RRAD: variants seen among roughly 807,000 people sequenced by gnomAD.
RRAD encodes RRAD, Ras related glycolysis inhibitor and calcium channel regulator, also known as GTP-binding protein RAD.
RRAD carries 15 observed loss-of-function variants against 24.7 expected under a neutral mutation model. That is an observed-to-expected ratio of 0.61 (90% CI 0.41 to 0.93). The LOEUF is 0.93. Among genes scored for constraint, RRAD ranks in the 40% least tolerant of loss-of-function variants. The probability of loss-of-function intolerance (pLI) is 0.00; values close to 1 mark genes in which losing one functional copy is unlikely to be tolerated. For missense variants in RRAD, 438 were observed against 452.2 expected (o/e 0.97, Z 0.29); for synonymous variants, 180 against 189.8 (o/e 0.95, Z 0.43).
In RRAD at chr16:66,923,638, C is replaced by T. The variant is rs1490094473; in HGVS notation, c.527G>A (p.Ser176Asn). The T allele has an allele frequency of 1.9e-6, 3 of 1,614,022 alleles. No individual in the cohort carries two copies. Among genetic ancestry groups the T allele is most frequent in the African/African-American group, 1.3e-5 (1 of 74,900 alleles). Residue 176 changes from serine (S) to asparagine (N), a missense_variant, in exon 4 of 5, where the codon AGC (serine) becomes AAC (asparagine). Transcript: ENST00000299759. The surrounding 1 kb of genome is among the most constrained non-coding windows in gnomAD (Gnocchi z 4.9). ...VIVYSVTDKGSFEKASELRVQ... is the reference protein window; with the variant it reads ...VIVYSVTDKGNFEKASELRVQ... ...CCGCAGTTCTGAGGCCTTCTCGAAGCTGCCCTTGTCCGTCACTGAGTACAC... is the reference window on the plus strand; with the variant it reads ...CCGCAGTTCTGAGGCCTTCTCGAAGTTGCCCTTGTCCGTCACTGAGTACAC...
At chr16:66,922,542 G>C (rs1962930780) in intron 4 of RRAD, among the ~76,000 whole-genome samples, 189 bp from the exon 5 acceptor site, 1 of 152,174 alleles carries the variant, frequency 6.6e-6, no homozygotes, top group African/African-American at 2.4e-5. Flanking sequence ...CAGAGTGCCT[G>C]CATTTAAGGA....
At position 66,923,743 on chromosome 16, in the gene RRAD, C is replaced by G; in HGVS notation, c.445-23G>C. On this transcript the variant is annotated intron_variant, in intron 3 of 4. Transcript: ENST00000299759. This position sits in a 1 kb window ranked among gnomAD's most constrained non-coding sequence, Gnocchi z 4.9. ...GTCCTGGAGAACACACAACACACAT[C>G]TGCCCAACAGTCCTCATGCCCCCGA... 1 of 1,613,868 alleles carries G rather than the reference C, an allele frequency of 6.2e-7. No individual in the cohort carries two copies. The highest frequency in any genetic ancestry group is 1.1e-5 in the South Asian group (1 of 91,078).
In RRAD at chr16:66,925,214, A is replaced by G; in HGVS notation, c.-15-20T>C. 1.6e-6 allele frequency: 2 copies of G among 1,241,888 alleles called. No homozygotes were observed. Among genetic ancestry groups the G allele is most frequent in the Non-Finnish European group, 2.0e-6 (2 of 992,796 alleles). The allele number at this position is 1,241,888 out of a possible 1,614,324, so 76.9% of individuals were successfully genotyped here. A position where few individuals can be genotyped will look rare whatever the true frequency, so the allele number is the denominator to read the frequency against. ...GACCGTCTAGGGGATCAGGAACCCG[A>G]GTGGCCGTGTAAGCCGCGAGGGAGG... On this transcript the variant is annotated intron_variant, in intron 1 of 4. Transcript: ENST00000299759. This position sits in a 1 kb window ranked among gnomAD's most constrained non-coding sequence, Gnocchi z 5.2.
chr16:66,922,033 A>G lies in RRAD; in HGVS notation c.*43T>C, dbSNP rs890154786. On this transcript the variant is annotated 3_prime_UTR_variant, in exon 5 of 5. Coordinates refer to ENST00000299759, the MANE Select transcript of RRAD (RefSeq NM_004165.3). ...GGGCAGTTGGCTGGGCCAGCCCACC[A>G]ACCCTTCCGTTCGTCTCCCACCATA... 5.1e-6 allele frequency: 8 copies of G among 1,564,784 alleles called. No homozygotes were observed. The highest frequency in any genetic ancestry group is 5.2e-6 in the Non-Finnish European group (6 of 1,145,722).
In RRAD at chr16:66,923,271, G is replaced by C. The variant is rs1224955893; in HGVS notation, c.649+245C>G. ...CCAACCAGCCAGGCCAGGACCAAGAGGGGCAGGAGAGGAGGGCCCTGCGGT... is the reference window on the plus strand; with the variant it reads ...CCAACCAGCCAGGCCAGGACCAAGACGGGCAGGAGAGGAGGGCCCTGCGGT... On this transcript the variant is annotated intron_variant, in intron 4 of 4. Transcript: ENST00000299759. The surrounding 1 kb of genome is among the most constrained non-coding windows in gnomAD (Gnocchi z 4.9). 3.3e-5 allele frequency among the ~76,000 whole-genome samples: 5 copies of C among 152,150 alleles called. No individual in the cohort carries two copies. Among genetic ancestry groups the C allele is most frequent in the Non-Finnish European group, 5.9e-5 (4 of 68,024 alleles).
In RRAD at chr16:66,923,818, C is replaced by A; in HGVS notation, c.444+28G>T. ...CTAACCCAACTCACTCCTCCCTCCCCTGCCCTGGGTCTCTGCTTGCACCCT... is the reference window on the plus strand; with the variant it reads ...CTAACCCAACTCACTCCTCCCTCCCATGCCCTGGGTCTCTGCTTGCACCCT... On this transcript the variant is annotated intron_variant, in intron 3 of 4. Coordinates refer to ENST00000299759, the MANE Select transcript of RRAD (RefSeq NM_004165.3). The surrounding 1 kb of genome is among the most constrained non-coding windows in gnomAD (Gnocchi z 4.9). The A allele has an allele frequency of 6.2e-7, 1 of 1,612,092 alleles. No homozygotes were observed. Among genetic ancestry groups the A allele is most frequent in the Non-Finnish European group, 8.5e-7 (1 of 1,178,144 alleles).
Position 66,924,097 on chromosome 16 carries a change from C to T in RRAD, c.371-178G>A, listed in dbSNP as rs1488787158. Among the ~76,000 whole-genome samples, 1 of 152,162 alleles carries T rather than the reference C, an allele frequency of 6.6e-6. No individual in the cohort carries two copies. Among genetic ancestry groups the T allele is most frequent in the Non-Finnish European group, 1.5e-5 (1 of 68,024 alleles). The stretch of plus-strand genomic sequence containing the variant: ...AGGCAGGGAAGTGGGGGCTGGAGGG[C>T]ATGGTGTGCCTGACCTCCACCCACA... On this transcript the variant is annotated intron_variant, in intron 2 of 4. Coordinates refer to ENST00000299759, the MANE Select transcript of RRAD (RefSeq NM_004165.3). The surrounding 1 kb of genome is among the most constrained non-coding windows in gnomAD (Gnocchi z 4.2).
rs1424180660 is a variant in RRAD, at chr16:66,923,290, C to T, written c.649+226G>A. On this transcript the variant is annotated intron_variant, in intron 4 of 4. Transcript: ENST00000299759. The surrounding 1 kb of genome is among the most constrained non-coding windows in gnomAD (Gnocchi z 4.9). ...CCAAGAGGGGCAGGAGAGGAGGGCC[C>T]TGCGGTGCCCAGCTCCCCTATCAGA... Among the ~76,000 whole-genome samples, 2 of 152,204 alleles carry T rather than the reference C, an allele frequency of 1.3e-5. No homozygotes were observed. The highest frequency in any genetic ancestry group is 4.8e-5 in the African/African-American group (2 of 41,450).
In RRAD at chr16:66,924,708, C is replaced by T. The variant is rs185330691; in HGVS notation, c.370+102G>A. 508 of 787,438 alleles carry T rather than the reference C, an allele frequency of 6.5e-4. No individual in the cohort carries two copies. Among genetic ancestry groups the T allele is most frequent in the Non-Finnish European group, 8.0e-4 (463 of 581,050 alleles). 48.8% of individuals were successfully genotyped at this position (787,438 alleles called of 1,614,324 possible). A position where few individuals can be genotyped will look rare whatever the true frequency, so the allele number is the denominator to read the frequency against. On this transcript the variant is annotated intron_variant, in intron 2 of 4. Transcript: ENST00000299759. This position sits in a 1 kb window ranked among gnomAD's most constrained non-coding sequence, Gnocchi z 4.2. ...ATAATAATAATAATAATAACAACAA[C>T]AACAACTATAATTCCACGGTATTTG...
At position 66,925,098 on chromosome 16, in the gene RRAD, G is replaced by A; in HGVS notation, c.82C>T (p.Pro28Ser). 1 of 1,239,686 alleles carries A rather than the reference G, an allele frequency of 8.1e-7. No individual in the cohort carries two copies. The highest frequency in any genetic ancestry group is 1.0e-6 in the Non-Finnish European group (1 of 993,356). 76.8% of individuals were successfully genotyped at this position (1,239,686 alleles called of 1,614,324 possible). A position where few individuals can be genotyped will look rare whatever the true frequency, so the allele number is the denominator to read the frequency against. ...QERERRRGSTPWGPAPPLHRR... is the reference protein window; with the variant it reads ...QERERRRGSTSWGPAPPLHRR... ...TGCAGCGGCGGGGCGGGGCCCCAGG[G>A]TGTGCTGCCCCGACGGCGCTCGCGC... The change falls in exon 2 of 5, where the codon CCC becomes TCC. Residue 28 changes from proline (P) to serine (S), a missense_variant. Pro to Ser is a moderately conservative substitution (Grantham distance 74). Transcript: ENST00000299759. This position sits in a 1 kb window ranked among gnomAD's most constrained non-coding sequence, Gnocchi z 5.2.
In RRAD at chr16:66,921,845, C is replaced by G; in HGVS notation, c.*231G>C. On this transcript the variant is annotated 3_prime_UTR_variant, in exon 5 of 5. Transcript: ENST00000299759. Reference sequence around the variant, plus strand: ...GCGGCTGCGCTGCGGCTGCTTGGGACGCATATGAGCCTGCGCATGCATCTC... The same window carrying G: ...GCGGCTGCGCTGCGGCTGCTTGGGAGGCATATGAGCCTGCGCATGCATCTC... 1 of 484,674 alleles carries G rather than the reference C, an allele frequency of 2.1e-6. No individual in the cohort carries two copies. The highest frequency in any genetic ancestry group is 3.6e-6 in the Non-Finnish European group (1 of 274,566). 30.0% of individuals were successfully genotyped at this position (484,674 alleles called of 1,614,324 possible). A position where few individuals can be genotyped will look rare whatever the true frequency, so the allele number is the denominator to read the frequency against.
rs564257226 is a variant in RRAD, at chr16:66,922,198, G to C, written c.805C>G (p.Arg269Gly). 65 of 1,614,216 alleles carry C rather than the reference G, an allele frequency of 4.0e-5. No individual in the cohort carries two copies. The highest frequency in any genetic ancestry group is 5.4e-5 in the Non-Finnish European group (64 of 1,180,016). ...EANARRQAGT[R>G]RRESLGKKAK... Reference sequence around the variant, plus strand: ...TTTTTGCCAAGGCTCTCTCGCCTCCGGGTGCCTGCTTGCCGTCGTGCGTTG... The same window carrying C: ...TTTTTGCCAAGGCTCTCTCGCCTCCCGGTGCCTGCTTGCCGTCGTGCGTTG... Residue 269 changes from arginine to glycine, a missense_variant, in exon 5 of 5, where the codon CGG (arginine) becomes GGG (glycine). Physicochemically the swap from Arg to Gly is moderately radical, Grantham distance 125. Transcript: ENST00000299759.
At position 66,922,277 on chromosome 16, in the gene RRAD, C is replaced by T. The variant is rs139165037; in HGVS notation, c.726G>A (p.Ala242=). ...TSAALHHNVQ[A]LFEGVVRQIR... The stretch of plus-strand genomic sequence containing the variant: ...TCTGGCGCACGACACCTTCAAACAG[C>T]GCCTGGACATTGTGGTGCAATGCCG... The change falls in exon 5 of 5, where the codon GCG becomes GCA. Residue 242 remains alanine, a synonymous_variant. Transcript: ENST00000299759. 8 of 1,613,398 alleles carry T rather than the reference C, an allele frequency of 5.0e-6. No homozygotes were observed. Among genetic ancestry groups the T allele is most frequent in the African/African-American group, 4.0e-5 (3 of 74,926 alleles).
chr16:66,924,095 G>C lies in RRAD; in HGVS notation c.371-176C>G, dbSNP rs1962957105. 6.6e-6 allele frequency among the ~76,000 whole-genome samples: 1 copy of C among 152,092 alleles called. No homozygotes were observed. The highest frequency in any genetic ancestry group is 2.4e-5 in the African/African-American group (1 of 41,398). ...CCAGGCAGGGAAGTGGGGGCTGGAG[G>C]GCATGGTGTGCCTGACCTCCACCCA... On this transcript the variant is annotated intron_variant, in intron 2 of 4. Transcript: ENST00000299759. This position sits in a 1 kb window ranked among gnomAD's most constrained non-coding sequence, Gnocchi z 4.2.
At position 66,925,399 on chromosome 16, in the gene RRAD, G is replaced by A. The variant is rs1348427967; in HGVS notation, c.-16+10C>T. 8.3e-6 allele frequency: 3 copies of A among 363,446 alleles called. No individual in the cohort carries two copies. The highest frequency in any genetic ancestry group is 1.4e-5 in the Non-Finnish European group (3 of 206,898). The allele number at this position is 363,446 out of a possible 1,614,324, so 22.5% of individuals were successfully genotyped here. ...CAGCCGCCCCGACCCCGCTCCGCCA[G>A]GACACTCACCCACTCGCACACAGAC... On this transcript the variant is annotated intron_variant, in intron 1 of 4. Coordinates refer to ENST00000299759, the MANE Select transcript of RRAD (RefSeq NM_004165.3). The surrounding 1 kb of genome is among the most constrained non-coding windows in gnomAD (Gnocchi z 5.2).
Position 66,924,000 on chromosome 16 carries a change from C to T in RRAD, c.371-81G>A. ...AGGTTTCCTGTTCTGGCCACACCCT[C>T]CAACTCTTCCCCAGAGCCCTCCTTA... On this transcript the variant is annotated intron_variant, in intron 2 of 4. Transcript: ENST00000299759. This position sits in a 1 kb window ranked among gnomAD's most constrained non-coding sequence, Gnocchi z 4.9. The T allele has an allele frequency of 9.3e-7, 1 of 1,078,618 alleles. No homozygotes were observed. Among genetic ancestry groups the T allele is most frequent in the Non-Finnish European group, 1.4e-6 (1 of 692,214 alleles). The allele number at this position is 1,078,618 out of a possible 1,614,324, so 66.8% of individuals were successfully genotyped here. A position where few individuals can be genotyped will look rare whatever the true frequency, so the allele number is the denominator to read the frequency against.
Position 66,925,191 on chromosome 16 carries a change from C to T in RRAD, c.-12G>A. 4.8e-6 allele frequency: 6 copies of T among 1,247,546 alleles called. No homozygotes were observed. Among genetic ancestry groups the T allele is most frequent in the Non-Finnish European group, 6.0e-6 (6 of 996,352 alleles). The allele number at this position is 1,247,546 out of a possible 1,614,324, so 77.3% of individuals were successfully genotyped here. A position where few individuals can be genotyped will look rare whatever the true frequency, so the allele number is the denominator to read the frequency against. On this transcript the variant is annotated 5_prime_UTR_variant, in exon 2 of 5. Coordinates refer to ENST00000299759, the MANE Select transcript of RRAD (RefSeq NM_004165.3). The surrounding 1 kb of genome is among the most constrained non-coding windows in gnomAD (Gnocchi z 5.2). ...CCGTTCAGGGTCATCGCGTCCGGGA[C>T]CGTCTAGGGGATCAGGAACCCGAGT...
Position 66,925,262 on chromosome 16 carries a change from C to T in RRAD, c.-15-68G>A, listed in dbSNP as rs1567541841. 2 of 1,171,644 alleles carry T rather than the reference C, an allele frequency of 1.7e-6. No homozygotes were observed. The highest frequency in any genetic ancestry group is 2.1e-6 in the Non-Finnish European group (2 of 942,450). The allele number at this position is 1,171,644 out of a possible 1,614,324, so 72.6% of individuals were successfully genotyped here. A position where few individuals can be genotyped will look rare whatever the true frequency, so the allele number is the denominator to read the frequency against. On this transcript the variant is annotated intron_variant, in intron 1 of 4. Transcript: ENST00000299759. The surrounding 1 kb of genome is among the most constrained non-coding windows in gnomAD (Gnocchi z 5.2). ...AGGCGGGACCCGGGGCGCACCTGCC[C>T]AACCCGGAGTCAGGCGGGATGCTCC...
Position 66,922,220 on chromosome 16 carries a change from G to T in RRAD, c.783C>A (p.Asn261Lys). 2 of 1,614,214 alleles carry T rather than the reference G, an allele frequency of 1.2e-6. No homozygotes were observed. The highest frequency in any genetic ancestry group is 1.7e-6 in the Non-Finnish European group (2 of 1,180,018). Residue 261 changes from asparagine (N) to lysine (K), a missense_variant, in exon 5 of 5, where the codon AAC becomes AAA. By Grantham distance (94) the Asn-to-Lys change is moderately conservative. Transcript: ENST00000299759. ...TCCGGGTGCCTGCTTGCCGTCGTGCGTTGGCTTCTTTGCTGTCCCTGCGCA... is the reference window on the plus strand; with the variant it reads ...TCCGGGTGCCTGCTTGCCGTCGTGCTTTGGCTTCTTTGCTGTCCCTGCGCA... ...IRLRRDSKEANARRQAGTRRR... is the reference protein window; with the variant it reads ...IRLRRDSKEAKARRQAGTRRR...
Sources: allele counts gnomAD v4.1 joint callset (sites outside exome capture counted in the v4.1 genomes callset), GRCh38; gene constraint gnomAD v4.1.1; non-coding constraint Gnocchi (gnomAD v3.1); transcripts MANE v1.5; gene names NCBI Gene and HGNC (gene_info 2026-07-23, HGNC 2026-07-21).